Variants in MED11 observed in about 807,000 individuals in gnomAD.
MED11 encodes mediator complex subunit 11.
In MED11, 19 loss-of-function variants were observed where a neutral mutation model predicts 13.9. The ratio of observed to expected loss-of-function variants is 1.36; its 90% CI spans 0.95 to 2.00. MED11 has a LOEUF of 2.00. MED11 is among the 30% of genes most tolerant of loss of function. MED11 has a pLI of 0.00. For synonymous variants in MED11, 67 were observed against 62.1 expected (o/e 1.08, Z -0.37); for missense variants, 134 against 150.2 (o/e 0.89, Z 0.56).
At chr17:4,732,918 T>C (rs1020880739) in intron 2 of MED11, 132 bp from the exon 3 acceptor site, 1 of 1,017,382 alleles carries the variant, frequency 9.8e-7, no homozygotes, top group African/African-American at 1.6e-5. Flanking sequence ...TTAACATAAG[T>C]TAAATGATTT....
At position 4,732,823 on chromosome 17, in the gene MED11, G is replaced by A. The variant is rs117274645; in HGVS notation, c.217-227G>A. 9.0e-4 allele frequency: 484 copies of A among 539,712 alleles called. 1 individual carries two copies. In the East Asian group the frequency reaches 0.011, roughly 13 times the overall value. The allele number at this position is 539,712 out of a possible 1,614,324, so 33.4% of individuals were successfully genotyped here. Reference sequence around the variant, plus strand: ...GACCACTACCATTACTAATTTTTACGGTGTGCCAGATACTCTGCATTACTT... The same window carrying A: ...GACCACTACCATTACTAATTTTTACAGTGTGCCAGATACTCTGCATTACTT... On this transcript the variant is annotated intron_variant, in intron 2 of 2. Transcript: ENST00000293777.
At chr17:4,731,738 A>G in intron 1 of MED11, 38 bp from the exon 2 acceptor site, 1 of 1,609,462 alleles carries the variant, frequency 6.2e-7, no homozygotes, top group South Asian at 1.1e-5. Flanking sequence ...CTACACTGGC[A>G]GTCTCCGTGT....
rs1268138375 is a variant in MED11, at chr17:4,731,462, ACT to A, written c.-25_-24del. 3 of 1,611,324 alleles carry A rather than the reference ACT, an allele frequency of 1.9e-6. No homozygotes were observed. Among genetic ancestry groups the A allele is most frequent in the Admixed American group, 1.7e-5 (1 of 59,930 alleles). On this transcript the variant is annotated 5_prime_UTR_variant, in exon 1 of 3. Coordinates refer to ENST00000293777, the MANE Select transcript of MED11 (RefSeq NM_001001683.4). ...ACAAGCGTCGCGTTTCTGAGGAGAAACTCTTGGTGAGAATTCCCAGAGTGATA... is the reference window on the plus strand; with the variant it reads ...ACAAGCGTCGCGTTTCTGAGGAGAAACTTGGTGAGAATTCCCAGAGTGATA...
chr17:4,733,416 C>G lies in MED11; in HGVS notation c.*229C>G. Reference sequence around the variant, plus strand: ...TCCTGCTCTGCACTCCAGAAACACCCTGACAGGCTCAGAGAGGAGATGGAA... The same window carrying G: ...TCCTGCTCTGCACTCCAGAAACACCGTGACAGGCTCAGAGAGGAGATGGAA... On this transcript the variant is annotated 3_prime_UTR_variant, in exon 3 of 3. Transcript: ENST00000293777. 1 of 486,602 alleles carries G rather than the reference C, an allele frequency of 2.1e-6. No homozygotes were observed. The highest frequency in any genetic ancestry group is 3.7e-5 in the Admixed American group (1 of 27,318). The allele number at this position is 486,602 out of a possible 1,614,324, so 30.1% of individuals were successfully genotyped here. A position where few individuals can be genotyped will look rare whatever the true frequency, so the allele number is the denominator to read the frequency against.
intron 2 of MED11, 167 bp from the exon 3 acceptor site, chr17:4,732,883 T>C: frequency 2.7e-6 from 2 of 730,314 alleles, no homozygotes; most frequent in Non-Finnish European, 4.5e-6. Context: ...AAGTAGTTAT[T>C]GTCACCCCCA....
intron 2 of MED11, 189 bp from the exon 3 acceptor site, chr17:4,732,860 CA>C: frequency 1.5e-6 from 1 of 647,310 alleles, no homozygotes; most frequent in Non-Finnish European, 2.6e-6. Context: ...ATCTAATCCT[CA>C]ACAACTCTAG....
rs758054003 is a variant in MED11 at position 4,733,134 on chromosome 17, C to T, written c.301C>T (p.Arg101Cys). The T allele has an allele frequency of 1.8e-5, 29 of 1,614,146 alleles. No homozygotes were observed. Among genetic ancestry groups the T allele is most frequent in the East Asian group, 1.6e-4 (7 of 44,886 alleles). Residue 101 changes from arginine (R) to cysteine (C), a missense_variant, in exon 3 of 3, where the codon CGC becomes TGC. Physicochemically the swap from Arg to Cys is radical, Grantham distance 180. Transcript: ENST00000293777. Reference protein sequence around the residue: ...QMALKRVDYARLKLSDVARTC... With the variant: ...QMALKRVDYACLKLSDVARTC... ...GGCTCTGAAGCGAGTGGACTATGCC[C>T]GCCTCAAGCTCAGTGATGTGGCTCG...
At chr17:4,731,992 T>G in intron 2 of MED11, 86 bp downstream of exon 2, 1 of 1,498,886 alleles carries the variant, frequency 6.7e-7, no homozygotes, top group Non-Finnish European at 9.0e-7. Context: ...GAGCATTAAC[T>G]GGGCAGGACC....
In MED11 at chr17:4,731,464, T is replaced by G. The variant is rs376624724; in HGVS notation, c.-26T>G. The G allele has an allele frequency of 1.2e-6, 2 of 1,610,532 alleles. No individual in the cohort carries two copies. Among genetic ancestry groups the G allele is most frequent in the South Asian group, 1.1e-5 (1 of 90,970 alleles). ...AAGCGTCGCGTTTCTGAGGAGAAAC[T>G]CTTGGTGAGAATTCCCAGAGTGATA... is the stretch of plus-strand genomic sequence containing the variant. On this transcript the variant is annotated 5_prime_UTR_variant, in exon 1 of 3. Transcript: ENST00000293777.
chr17:4,731,453 T>A lies in MED11; in HGVS notation c.-37T>A. The A allele has an allele frequency of 1.2e-6, 2 of 1,606,272 alleles. No homozygotes were observed. Among genetic ancestry groups the A allele is most frequent in the Non-Finnish European group, 1.7e-6 (2 of 1,173,654 alleles). ...ACTTCCGGAACAAGCGTCGCGTTTCTGAGGAGAAACTCTTGGTGAGAATTC... is the reference window on the plus strand; with the variant it reads ...ACTTCCGGAACAAGCGTCGCGTTTCAGAGGAGAAACTCTTGGTGAGAATTC... On this transcript the variant is annotated 5_prime_UTR_variant, in exon 1 of 3. Coordinates refer to ENST00000293777, the MANE Select transcript of MED11 (RefSeq NM_001001683.4).
At chr17:4,732,065 C>A in intron 2 of MED11, 159 bp downstream of exon 2, 1 of 815,824 alleles carries the variant, frequency 1.2e-6, no homozygotes, top group Non-Finnish European at 1.8e-6. Flanking sequence ...ATGGGCCGGG[C>A]GCAGTGGCTT....
chr17:4,733,554 C>T lies in MED11; in HGVS notation c.*367C>T. 5.3e-6 allele frequency: 1 copy of T among 188,904 alleles called. No individual in the cohort carries two copies. The highest frequency in any genetic ancestry group is 1.2e-4 in the South Asian group (1 of 8,560). The allele number at this position is 188,904 out of a possible 1,614,324, so 11.7% of individuals were successfully genotyped here. Reference sequence around the variant, plus strand: ...TTCATTCGGAGAGACAAAACAAGAACTAGAGTTTTAATGATAATAAAAGCA... The same window carrying T: ...TTCATTCGGAGAGACAAAACAAGAATTAGAGTTTTAATGATAATAAAAGCA... On this transcript the variant is annotated 3_prime_UTR_variant, in exon 3 of 3. Transcript: ENST00000293777.
chr17:4,731,607 C>T (rs758978949), intron 1 of MED11, 33 bp downstream of exon 1: 3 of 1,613,246 alleles, frequency 1.9e-6, no homozygotes, highest in Non-Finnish European at 1.7e-6. Context: ...CAGCGGGGAG[C>T]GAAAGCGTGA....
In MED11 at chr17:4,733,330, C is replaced by A; in HGVS notation, c.*143C>A. The A allele has an allele frequency of 9.2e-7, 1 of 1,085,696 alleles. No individual in the cohort carries two copies. The highest frequency in any genetic ancestry group is 1.3e-6 in the Non-Finnish European group (1 of 773,198). 67.3% of individuals were successfully genotyped at this position (1,085,696 alleles called of 1,614,324 possible). On this transcript the variant is annotated 3_prime_UTR_variant, in exon 3 of 3. Coordinates refer to ENST00000293777, the MANE Select transcript of MED11 (RefSeq NM_001001683.4). ...CTAGGACAAAGGGGCAAATGGTGGGCATGGAAAAACTGAAGCCCGAGCCTG... is the reference window on the plus strand; with the variant it reads ...CTAGGACAAAGGGGCAAATGGTGGGAATGGAAAAACTGAAGCCCGAGCCTG...
chr17:4,733,314 A>T lies in MED11; in HGVS notation c.*127A>T. The T allele has an allele frequency of 3.3e-6, 4 of 1,219,050 alleles. No individual in the cohort carries two copies. Among genetic ancestry groups the T allele is most frequent in the Non-Finnish European group, 4.5e-6 (4 of 885,536 alleles). 75.5% of individuals were successfully genotyped at this position (1,219,050 alleles called of 1,614,324 possible). ...TGCTGGTCAAAGTACCCTAGGACAA[A>T]GGGGCAAATGGTGGGCATGGAAAAA... On this transcript the variant is annotated 3_prime_UTR_variant, in exon 3 of 3. Coordinates refer to ENST00000293777, the MANE Select transcript of MED11 (RefSeq NM_001001683.4).
At position 4,733,201 on chromosome 17, in the gene MED11, A is replaced by ACC; in HGVS notation, c.*16_*17dup. 1 of 1,613,988 alleles carries ACC rather than the reference A, an allele frequency of 6.2e-7. No individual in the cohort carries two copies. The highest frequency in any genetic ancestry group is 8.5e-7 in the Non-Finnish European group (1 of 1,179,956). Reference sequence around the variant, plus strand: ...CTGGAGAACTAGGCCAGGGAGATGGACCCAGAGCTGAGAGGGAGACCATCA... The same window carrying ACC: ...CTGGAGAACTAGGCCAGGGAGATGGACCCCCAGAGCTGAGAGGGAGACCATCA... On this transcript the variant is annotated 3_prime_UTR_variant, in exon 3 of 3. Transcript: ENST00000293777.
chr17:4,732,161 C>T, intron 2 of MED11: 2 of 456,964 alleles, frequency 4.4e-6, no homozygotes, highest in Non-Finnish European at 7.7e-6. Flanking sequence ...CGGTGGCTCA[C>T]TCCTGTAATC....
chr17:4,731,714 G>T (rs1372655851), intron 1 of MED11, 62 bp from the exon 2 acceptor site: 17 of 1,607,192 alleles, frequency 1.1e-5, no homozygotes, highest in Non-Finnish European at 1.3e-5. Context: ...GAGAGGGGCT[G>T]GCCTAGGGAG....
Position 4,731,462 on chromosome 17 carries a change from A to G in MED11, c.-28A>G. ...ACAAGCGTCGCGTTTCTGAGGAGAA[A>G]CTCTTGGTGAGAATTCCCAGAGTGA... On this transcript the variant is annotated 5_prime_UTR_variant, in exon 1 of 3. Coordinates refer to ENST00000293777, the MANE Select transcript of MED11 (RefSeq NM_001001683.4). 3 of 1,611,442 alleles carry G rather than the reference A, an allele frequency of 1.9e-6. No homozygotes were observed. The highest frequency in any genetic ancestry group is 2.5e-6 in the Non-Finnish European group (3 of 1,178,114).
Sources: gnomAD v4.1 joint callset for allele counts on GRCh38, gnomAD v4.1.1 for gene constraint, MANE v1.5 for transcripts, NCBI Gene and HGNC (gene_info 2026-07-23, HGNC 2026-07-21) for gene names.